Variants in DOCK11 observed in about 807,000 individuals in gnomAD.
DOCK11 encodes dedicator of cytokinesis protein 11.
In DOCK11, 70 loss-of-function variants were observed where a neutral mutation model predicts 169.1. The ratio of observed to expected loss-of-function variants is 0.41; its 90% CI spans 0.34 to 0.51. The LOEUF (loss-of-function observed/expected upper bound fraction) is 0.51. Ranked by LOEUF, DOCK11 falls within the 20% of genes least tolerant of loss-of-function variation. The probability of loss-of-function intolerance (pLI) is 0.10; values close to 1 mark genes in which losing one functional copy is unlikely to be tolerated. For missense variants in DOCK11, 1,166 were observed against 1,538.8 expected (o/e 0.76, Z 4.05); for synonymous variants, 529 against 541.3 (o/e 0.98, Z 0.32).
intron 1 of DOCK11, among the ~76,000 whole-genome samples, chrX:118,531,145 G>A (rs897325714): frequency 2.7e-5 from 3 of 110,017 alleles, no homozygotes; most frequent in East Asian, 2.9e-4. Context: ...GTTTTGTTTC[G>A]TTTTGTTTTT....
intron 35 of DOCK11, chrX:118,632,981 T>TGGG (rs2015290068): frequency 2.9e-4 from 3 of 10,408 alleles, no homozygotes; most frequent in African/African-American, 9.2e-4. Context: ...GGGGGGGGGG[T>TGGG]GAGGGGGGTG....
At chrX:118,616,787 T>C (rs752695992) in intron 30 of DOCK11, among the ~76,000 whole-genome samples, 1 of 112,113 alleles carries the variant, frequency 8.9e-6, no homozygotes, top group Admixed American at 9.5e-5. Context: ...GCAAGACCAA[T>C]GCAGGAAGAA....
chrX:118,624,155 G>A (rs2015040566), intron 31 of DOCK11, among the ~76,000 whole-genome samples: 1 of 112,803 alleles, frequency 8.9e-6, no homozygotes, highest in African/African-American at 3.2e-5. Flanking sequence ...CATCTGCTAT[G>A]TGCCCAGGCA....
At chrX:118,555,940 ATGCAATTTAGCAGTAAATAAT>A (rs2147366207) in intron 6 of DOCK11, among the ~76,000 whole-genome samples, 1 of 111,660 alleles carries the variant, frequency 9.0e-6, no homozygotes, top group South Asian at 3.8e-4. Context: ...CTTCTGGTTC[ATGCAATTTAGCAGTAAATAAT>A]TACCCCTCTA....
At chrX:118,526,889 C>T (rs746311201) in intron 1 of DOCK11, among the ~76,000 whole-genome samples, 1 of 112,056 alleles carries the variant, frequency 8.9e-6, no homozygotes, top group African/African-American at 3.2e-5. Flanking sequence ...CCTGTTTTGC[C>T]AGAATTCTCT....
chrX:118,540,226 A>C (rs141147412), intron 1 of DOCK11, among the ~76,000 whole-genome samples: 8 of 110,825 alleles, frequency 7.2e-5, no homozygotes, highest in Non-Finnish European at 1.3e-4. Flanking sequence ...TGTTTTTGCA[A>C]TCTGTACTAG....
chrX:118,555,056 A>G (rs926241251), intron 6 of DOCK11, among the ~76,000 whole-genome samples: 1 of 111,855 alleles, frequency 8.9e-6, no homozygotes, highest in African/African-American at 3.3e-5. Context: ...AGAGTCATTG[A>G]TTATTTGAGC....
chrX:118,623,980 A>G (rs1431911139), intron 31 of DOCK11, among the ~76,000 whole-genome samples: 2 of 113,137 alleles, frequency 1.8e-5, no homozygotes, highest in East Asian at 5.5e-4. Context: ...ATTTACAAAT[A>G]TATCAATCTC....
chrX:118,571,918 G>A (rs899668863), intron 10 of DOCK11, among the ~76,000 whole-genome samples: 2 of 111,726 alleles, frequency 1.8e-5, no homozygotes, highest in Non-Finnish European at 3.8e-5. Flanking sequence ...AGAGTAGCAA[G>A]TGCAAAAGCC....
intron 9 of DOCK11, among the ~76,000 whole-genome samples, 189 bp from the exon 10 acceptor site, chrX:118,567,890 T>C (rs2013130257): frequency 8.9e-6 from 1 of 111,933 alleles, no homozygotes; most frequent in Non-Finnish European, 1.9e-5. Flanking sequence ...ACTATGGTGA[T>C]TTCTCTTTTG....
chrX:118,595,477 TC>T (rs1164242437), intron 20 of DOCK11, among the ~76,000 whole-genome samples: 1 of 111,409 alleles, frequency 9.0e-6, no homozygotes, highest in Non-Finnish European at 1.9e-5. Flanking sequence ...ATGAGGGAGT[TC>T]CCTTTGCAGG....
chrX:118,519,392 A>T (rs775120389), intron 1 of DOCK11, among the ~76,000 whole-genome samples: 15 of 111,921 alleles, frequency 1.3e-4, no homozygotes, highest in Admixed American at 1.2e-3. Flanking sequence ...TACTAAAAAT[A>T]CAAAAAAATT....
Position 118,546,214 on chromosome X carries a change from A to C in DOCK11, c.558+98A>C, listed in dbSNP as rs1188005253. 120 of 274,174 alleles carry C rather than the reference A, an allele frequency of 4.4e-4. 2 individuals are homozygous for C. The highest frequency in any genetic ancestry group is 8.1e-4 in the Middle Eastern group (1 of 1,236). 22.6% of individuals were successfully genotyped at this position (274,174 alleles called of 1,213,427 possible). A position where few individuals can be genotyped will look rare whatever the true frequency, so the allele number is the denominator to read the frequency against. On this transcript the variant is annotated intron_variant, in intron 6 of 52. Transcript: ENST00000276202. The stretch of plus-strand genomic sequence containing the variant: ...TTATTTTACAAAGAGCCCTAGCAAA[A>C]AAAAAAAAAAAAAAAAAGGAGAGGA...
chrX:118,578,309 CTA>C (rs766604641), intron 12 of DOCK11, among the ~76,000 whole-genome samples: 6 of 111,681 alleles, frequency 5.4e-5, no homozygotes, highest in African/African-American at 1.6e-4. Context: ...GCTATGGAGA[CTA>C]ACAGATGTGA....
intron 14 of DOCK11, among the ~76,000 whole-genome samples, chrX:118,583,760 C>T (rs894980458): frequency 9.0e-6 from 1 of 111,460 alleles, no homozygotes; most frequent in Middle Eastern, 4.2e-3. Flanking sequence ...TATAAAATTA[C>T]GTAGTATTTG....
At chrX:118,632,852 AGAAAAGG>A (rs2015278795) in intron 35 of DOCK11, 1 of 108,287 alleles carries the variant, frequency 9.2e-6, no homozygotes. Context: ...TTATATCGTG[AGAAAAGG>A]AATAAGAGTC....
chrX:118,675,205 T>C (rs966753229), intron 46 of DOCK11, among the ~76,000 whole-genome samples: 1 of 112,181 alleles, frequency 8.9e-6, no homozygotes, highest in Non-Finnish European at 1.9e-5. Flanking sequence ...TTTGGAAATA[T>C]CTGTGAACTT....
At position 118,543,579 on chromosome X, in the gene DOCK11, T is replaced by C. The variant is rs369560944; in HGVS notation, c.378T>C (p.Phe126=). ...NYKYEDFSGD[F]RMLPCKSLRP... is the part of the protein sequence containing the mutation. ...AGTATGAGGACTTCTCTGGGGACTTTCGAATGTTGCCATGGTAAGTTTAGC... is the reference window on the plus strand; with the variant it reads ...AGTATGAGGACTTCTCTGGGGACTTCCGAATGTTGCCATGGTAAGTTTAGC... The change falls in exon 4 of 53, where the codon TTT becomes TTC. Residue 126 remains phenylalanine, a synonymous_variant. Transcript: ENST00000276202. The C allele has an allele frequency of 8.3e-7, 1 of 1,204,257 alleles. No homozygotes were observed. The highest frequency in any genetic ancestry group is 1.7e-5 in the African/African-American group (1 of 57,250).
chrX:118,581,805 TAAAAAAAAA>T (rs35095116), intron 14 of DOCK11, among the ~76,000 whole-genome samples: 335 of 12,717 alleles, frequency 0.026, 3 homozygotes, highest in African/African-American at 0.11. Context: ...CTCCGTCTCC[TAAAAAAAAA>T]AAAAAAAAAA....
Sources: gnomAD v4.1 joint callset for allele counts (sites outside exome capture counted in the v4.1 genomes callset) on GRCh38, gnomAD v4.1.1 for gene constraint, MANE v1.5 for transcripts, NCBI Gene and HGNC (gene_info 2026-07-23, HGNC 2026-07-21) for gene names.